RERE: variants seen among roughly 807,000 people sequenced by gnomAD.
RERE encodes arginine-glutamic acid dipeptide repeats protein.
A neutral mutation model predicts 146.1 loss-of-function variants in RERE; 40 were observed. The ratio of observed to expected loss-of-function variants is 0.27; its 90% CI spans 0.21 to 0.36. The LOEUF (loss-of-function observed/expected upper bound fraction) is 0.36, where lower values mean the gene tolerates loss of function less well. Among genes scored for constraint, RERE ranks in the 10% least tolerant of loss-of-function variants. The pLI is 1.00. For synonymous variants in RERE, 1,003 were observed against 866.0 expected (o/e 1.16, Z -2.78); for missense variants, 1,933 against 2,138.7 (o/e 0.90, Z 1.90).
intron 1 of RERE, among the ~76,000 whole-genome samples, chr1:8,788,022 C>T (rs964851958): frequency 5.3e-5 from 8 of 151,876 alleles, no homozygotes; most frequent in Non-Finnish European, 8.8e-5. Context: ...GGCTTGAGCC[C>T]GGGAGGTCAA....
intron 12 of RERE, among the ~76,000 whole-genome samples, chr1:8,393,409 G>A (rs1402131243): frequency 1.3e-5 from 2 of 152,102 alleles, no homozygotes; most frequent in Non-Finnish European, 2.9e-5. Flanking sequence ...CTTTCTGATT[G>A]GACCGTAGCA....
intron 1 of RERE, among the ~76,000 whole-genome samples, chr1:8,737,016 T>C (rs984657410): frequency 1.3e-5 from 2 of 152,232 alleles, no homozygotes; most frequent in Non-Finnish European, 2.9e-5. Context: ...TTAGAAAATG[T>C]ATTCCTCTTT....
intron 10 of RERE, among the ~76,000 whole-genome samples, chr1:8,489,000 A>G (rs1403012831): frequency 6.6e-6 from 1 of 152,204 alleles, no homozygotes; most frequent in Non-Finnish European, 1.5e-5. Context: ...TAAAAGGAAA[A>G]TAATGACTTA....
At chr1:8,778,571 T>C (rs1641109573) in intron 1 of RERE, among the ~76,000 whole-genome samples, 1 of 152,164 alleles carries the variant, frequency 6.6e-6, no homozygotes, top group Admixed American at 6.5e-5. Flanking sequence ...GAGTGGTGGC[T>C]CATAACTGTA....
chr1:8,358,376 G>A lies in RERE; in HGVS notation c.4159C>T (p.Arg1387Trp). The change falls in exon 20 of 23, where the codon CGG becomes TGG. Residue 1387 changes from arginine (R) to tryptophan (W), a missense_variant. Physicochemically the swap from Arg to Trp is moderately radical, Grantham distance 101. This residue lies in a region of RERE where 47 missense variants were observed against 58.6 expected (regional missense o/e 0.80). Transcript: ENST00000400908. ...ERLALAGPQL[R>W]PEMSYPDRLA... ...CTGTCAGGGTAGCTCATCTCGGGCC[G>A]CAGCTGGGGGCCCGCCAGGGCCAGT... 6.2e-7 allele frequency: 1 copy of A among 1,608,622 alleles called. No individual in the cohort carries two copies. Among genetic ancestry groups the A allele is most frequent in the Non-Finnish European group, 8.5e-7 (1 of 1,176,560 alleles).
chr1:8,605,697 A>G lies in RERE; in HGVS notation c.522+8864T>C, dbSNP rs190424163. Among the ~76,000 whole-genome samples, 310 of 141,240 alleles carry G rather than the reference A, an allele frequency of 2.2e-3. 1 individual carries two copies. The highest frequency in any genetic ancestry group is 8.0e-3 in the African/African-American group (303 of 37,902). The allele number at this position is 141,240 out of a possible 152,430, so 92.7% of individuals were successfully genotyped here. A position where few individuals can be genotyped will look rare whatever the true frequency, so the allele number is the denominator to read the frequency against. On this transcript the variant is annotated intron_variant, in intron 4 of 22. Coordinates refer to ENST00000400908, the MANE Select transcript of RERE (RefSeq NM_001042681.2). The stretch of plus-strand genomic sequence containing the variant: ...CCGGGAGGCAGGTGATCATGCCAAA[A>G]TCATGCCATTGCACTCCATCCTGGG...
At position 8,551,207 on chromosome 1, in the gene RERE, C is replaced by T. The variant is rs961267881; in HGVS notation, c.725+5268G>A. On this transcript the variant is annotated intron_variant, in intron 6 of 22. Coordinates refer to ENST00000400908, the MANE Select transcript of RERE (RefSeq NM_001042681.2). ...CAGTCCTCAGTCAGCAAGACACTTA[C>T]GATCTCCTGTGCTGCCCTCCACAAT... Among the ~76,000 whole-genome samples the T allele has an allele frequency of 9.7e-4, 147 of 152,318 alleles. 1 individual carries two copies. The highest frequency in any genetic ancestry group is 8.1e-4 in the Non-Finnish European group (55 of 68,026).
intron 1 of RERE, among the ~76,000 whole-genome samples, chr1:8,701,058 A>G (rs1384611770): frequency 6.6e-6 from 1 of 152,186 alleles, no homozygotes; most frequent in South Asian, 2.1e-4. Context: ...TAAAACCTTC[A>G]GTGTAAGATA....
chr1:8,369,393 T>C (rs1198473550), intron 12 of RERE, among the ~76,000 whole-genome samples: 1 of 151,906 alleles, frequency 6.6e-6, no homozygotes, highest in African/African-American at 2.4e-5. Flanking sequence ...ATCAACTTTT[T>C]GTTGACACTT....
intron 4 of RERE, among the ~76,000 whole-genome samples, chr1:8,598,333 T>C (rs1490668432): frequency 6.6e-6 from 1 of 152,116 alleles, no homozygotes; most frequent in African/African-American, 2.4e-5. Context: ...GAGAAAACAG[T>C]TAACCACCTA....
chr1:8,688,642 AG>A (rs764328868), intron 1 of RERE, among the ~76,000 whole-genome samples: 1 of 152,162 alleles, frequency 6.6e-6, no homozygotes, highest in Non-Finnish European at 1.5e-5. Flanking sequence ...CTACTCCAGA[AG>A]CTAAGGTGGG....
intron 1 of RERE, among the ~76,000 whole-genome samples, chr1:8,691,825 G>C (rs1368927620): frequency 6.6e-6 from 1 of 152,160 alleles, no homozygotes; most frequent in Non-Finnish European, 1.5e-5. Flanking sequence ...AGCTAGTACT[G>C]GATAAATGCA....
At chr1:8,802,276 T>C (rs1421530158) in intron 1 of RERE, among the ~76,000 whole-genome samples, 3 of 152,200 alleles carry the variant, frequency 2.0e-5, no homozygotes, top group African/African-American at 7.2e-5. Context: ...ATGCTCTTAC[T>C]ATGTGGTCTG....
In RERE at chr1:8,622,458, T is replaced by C. The variant is rs1172124229; in HGVS notation, c.396+1852A>G. On this transcript the variant is annotated intron_variant, in intron 3 of 22. Transcript: ENST00000400908. ...CTCTTCAGGAATAAGGCTACACCCG[T>C]ATTTCAGGTGTCAGTGCTGTATCTG... Among the ~76,000 whole-genome samples the C allele has an allele frequency of 2.2e-5, 3 of 137,244 alleles. No individual in the cohort carries two copies. The East Asian group carries it at 6.4e-4, about 29-fold the overall frequency. The allele number at this position is 137,244 out of a possible 152,430, so 90.0% of individuals were successfully genotyped here.
chr1:8,809,655 A>G (rs1227035649), intron 1 of RERE, among the ~76,000 whole-genome samples: 1 of 152,226 alleles, frequency 6.6e-6, no homozygotes, highest in African/African-American at 2.4e-5. Context: ...CATTCTTAGC[A>G]GTATACAAAA....
At chr1:8,496,027 G>C (rs768727622) in intron 9 of RERE, among the ~76,000 whole-genome samples, 1 of 151,916 alleles carries the variant, frequency 6.6e-6, no homozygotes. Context: ...GCCAGGTATG[G>C]TGGTGCATGC....
chr1:8,516,017 A>G (rs1645409534), intron 7 of RERE, among the ~76,000 whole-genome samples: 1 of 151,838 alleles, frequency 6.6e-6, no homozygotes, highest in Admixed American at 6.6e-5. Flanking sequence ...AGGAGTTCCA[A>G]AACAGCCTGG....
At chr1:8,580,684 T>C (rs1646353230) in intron 4 of RERE, among the ~76,000 whole-genome samples, 1 of 152,130 alleles carries the variant, frequency 6.6e-6, no homozygotes, top group African/African-American at 2.4e-5. Context: ...ATCCTCACCC[T>C]ACCCATAGAA....
intron 8 of RERE, among the ~76,000 whole-genome samples, chr1:8,501,976 G>A (rs1645170367): frequency 8.0e-6 from 1 of 125,034 alleles, no homozygotes; most frequent in African/African-American, 3.0e-5. Flanking sequence ...GCCCCGTCCG[G>A]GAGGGAGGTG....
Sources: gnomAD v4.1 joint callset for allele counts (sites outside exome capture counted in the v4.1 genomes callset) on GRCh38, gnomAD v4.1.1 for gene constraint, gnomAD v4.1.1 regional missense constraint, MANE v1.5 for transcripts, NCBI Gene and HGNC (gene_info 2026-07-23, HGNC 2026-07-21) for gene names.